WDR62: variants seen among roughly 807,000 people sequenced by gnomAD.
The protein encoded by WDR62 is WD repeat-containing protein 62.
Under a neutral mutation model 160.6 loss-of-function variants are expected in WDR62, and 112 were observed. The observed-to-expected ratio is 0.70, with a 90% CI of 0.60 to 0.82. The LOEUF (loss-of-function observed/expected upper bound fraction) is 0.82. Among genes scored for constraint, WDR62 ranks in the 40% least tolerant of loss-of-function variants. WDR62 has a pLI of 0.00. For missense variants in WDR62, 1,819 were observed against 1,983.8 expected (o/e 0.92, Z 1.58); for synonymous variants, 792 against 815.1 (o/e 0.97, Z 0.48).
Position 36,104,870 on chromosome 19 carries a change from G to A in WDR62, c.4414G>A (p.Val1472Met), listed in dbSNP as rs944123844. ...CAGCCAGCTGGAGGCTGAATGCCTG[G>A]TGGGGACTAGTGTGGCCCCAGCCCA... The part of the protein sequence containing the change: ...IHSQLEAECL[V>M]GTSVAPAQAL... The change falls in exon 32 of 32, where the codon GTG (valine) becomes ATG (methionine). Residue 1472 changes from valine (V) to methionine (M), a missense_variant. By Grantham distance (21) the Val-to-Met change is conservative. Around this residue, in one of 3 missense-constraint regions of WDR62, gnomAD observed 770 missense variants for 734.2 expected, o/e 1.05. Transcript: ENST00000401500. The A allele has an allele frequency of 1.2e-6, 2 of 1,612,772 alleles. No individual in the cohort carries two copies. Among genetic ancestry groups the A allele is most frequent in the Non-Finnish European group, 1.7e-6 (2 of 1,179,950 alleles).
intron 6 of WDR62, 87 bp downstream of exon 6, chr19:36,067,530 G>C (rs1461666115): frequency 2.5e-6 from 4 of 1,588,434 alleles, no homozygotes; most frequent in African/African-American, 1.3e-5. Flanking sequence ...CCTGAGATTT[G>C]AGGGCAGCGG....
chr19:36,071,558 C>T lies in WDR62; in HGVS notation c.885C>T (p.Val295=), dbSNP rs1457764877. 1.2e-6 allele frequency: 2 copies of T among 1,614,120 alleles called. No individual in the cohort carries two copies. The highest frequency in any genetic ancestry group is 1.7e-6 in the Non-Finnish European group (2 of 1,180,056). ...TGGGGTCCCTTTTGCCCCTACAGGT[C>T]TCCCTGTCTTCCTGCCTCTGTGTCA... ...RVLEKWINLK[V]SLSSCLCVSQ... is the part of the protein sequence containing the mutation. Residue 295 remains valine (V), a splice_region_variant and synonymous_variant, in exon 8 of 32, where the codon GTC becomes GTT. Transcript: ENST00000401500.
At chr19:36,092,127 A>G (rs749982698) in intron 18 of WDR62, among the ~76,000 whole-genome samples, 12 of 152,058 alleles carry the variant, frequency 7.9e-5, no homozygotes, top group Admixed American at 2.0e-4. Flanking sequence ...CCTGGTCAAC[A>G]TGGAGAAACT....
intron 13 of WDR62, among the ~76,000 whole-genome samples, chr19:36,087,676 G>A (rs8106161): frequency 7.5e-4 from 110 of 145,750 alleles, no homozygotes; most frequent in African/African-American, 2.4e-3. Context: ...AAAAGTAACC[G>A]GGCATGGTGG....
intron 20 of WDR62, among the ~76,000 whole-genome samples, chr19:36,094,743 A>T (rs531104735): frequency 1.2e-4 from 18 of 151,722 alleles, no homozygotes; most frequent in East Asian, 1.2e-3. Flanking sequence ...AAAATTTTTT[A>T]AAGAAATTAG....
intron 1 of WDR62, 77 bp from the exon 2 acceptor site, chr19:36,058,703 G>A (rs1970489034): frequency 2.6e-6 from 3 of 1,175,886 alleles, no homozygotes; most frequent in Non-Finnish European, 2.5e-6. Flanking sequence ...AGCAGGACCT[G>A]AATGGGTGGC....
At position 36,099,388 on chromosome 19, in the gene WDR62, T is replaced by C. The variant is rs1350421178; in HGVS notation, c.2521-11T>C. On this transcript the variant is annotated splice_polypyrimidine_tract_variant and intron_variant, in intron 21 of 31. Coordinates refer to ENST00000401500, the MANE Select transcript of WDR62 (RefSeq NM_001083961.2). ...CTCAGCCAGTTGCCTGACTGTCCGA[T>C]ATCCTTCAAGCTAGGGGACGATGAT... 1 of 1,612,342 alleles carries C rather than the reference T, an allele frequency of 6.2e-7. No individual in the cohort carries two copies. The highest frequency in any genetic ancestry group is 1.3e-5 in the African/African-American group (1 of 74,916).
intron 11 of WDR62, 74 bp downstream of exon 11, chr19:36,083,315 C>G: frequency 6.8e-7 from 1 of 1,477,422 alleles, no homozygotes; most frequent in South Asian, 1.2e-5. Context: ...TGGGCAGAAG[C>G]CCTGGCCTTG....
intron 13 of WDR62, 42 bp downstream of exon 13, chr19:36,086,854 C>G (rs1972269529): frequency 6.3e-7 from 1 of 1,596,102 alleles, no homozygotes; most frequent in Non-Finnish European, 8.5e-7. Flanking sequence ...TGCTAGCTAC[C>G]CTGCTAAAAA....
rs144527765 is a variant in WDR62 at position 36,099,634 on chromosome 19, C to A, written c.2739+17C>A. Reference sequence around the variant, plus strand: ...CTGAGTGAGGTACACACTTCCACCGCAGCCTGGCCCATAGCCCCGGCACCG... The same window carrying A: ...CTGAGTGAGGTACACACTTCCACCGAAGCCTGGCCCATAGCCCCGGCACCG... On this transcript the variant is annotated intron_variant, in intron 22 of 31. Transcript: ENST00000401500. 459 of 1,613,110 alleles carry A rather than the reference C, an allele frequency of 2.8e-4. 4 individuals carry two copies. The African/African-American group carries it at 5.4e-3, about 19-fold the overall frequency.
At position 36,099,481 on chromosome 19, in the gene WDR62, C is replaced by T; in HGVS notation, c.2603C>T (p.Ala868Val). 1 of 1,613,990 alleles carries T rather than the reference C, an allele frequency of 6.2e-7. No individual in the cohort carries two copies. Among genetic ancestry groups the T allele is most frequent in the Non-Finnish European group, 8.5e-7 (1 of 1,180,030 alleles). ...CCCCACGGCCGCTGGGCAGAGCGGG[C>T]CGGCCAAGAGCCCCTCAAGACCATC... ...YQPHGRWAER[A>V]GQEPLKTILD... Residue 868 changes from alanine to valine, a missense_variant, in exon 22 of 32, where the codon GCC becomes GTC. Around this residue, in one of 3 missense-constraint regions of WDR62, gnomAD observed 934 missense variants for 1,157.2 expected, o/e 0.81. Transcript: ENST00000401500.
intron 3 of WDR62, chr19:36,062,746 A>G (rs775449684): frequency 5.9e-5 from 9 of 151,880 alleles, no homozygotes; most frequent in Admixed American, 1.3e-4. Context: ...ACTGTAATAC[A>G]TCCAGCAAAA....
At chr19:36,060,389 A>T (rs895673985) in intron 3 of WDR62, 35 of 290,352 alleles carry the variant, frequency 1.2e-4, no homozygotes, top group Middle Eastern at 1.2e-3. Flanking sequence ...CTTGACTCTG[A>T]GACCTGAAGG....
intron 20 of WDR62, 22 bp from the exon 21 acceptor site, chr19:36,097,005 C>T (rs190811619): frequency 1.2e-6 from 2 of 1,605,622 alleles, no homozygotes; most frequent in Non-Finnish European, 1.7e-6. Flanking sequence ...GTCCTCTTTT[C>T]ATGGATTCTG....
In WDR62 at chr19:36,084,638, G is replaced by C. The variant is rs780182581; in HGVS notation, c.1551-15G>C. 5.6e-6 allele frequency: 9 copies of C among 1,613,172 alleles called. No individual in the cohort carries two copies. Among genetic ancestry groups the C allele is most frequent in the African/African-American group, 1.3e-5 (1 of 74,902 alleles). On this transcript the variant is annotated splice_polypyrimidine_tract_variant and intron_variant, in intron 11 of 31. Coordinates refer to ENST00000401500, the MANE Select transcript of WDR62 (RefSeq NM_001083961.2). ...CTGGGGTGTGGGGCTTCAGCGGGCGGTGTGTGTCTCCCAGGATCCACGAGC... is the reference window on the plus strand; with the variant it reads ...CTGGGGTGTGGGGCTTCAGCGGGCGCTGTGTGTCTCCCAGGATCCACGAGC...
intron 9 of WDR62, among the ~76,000 whole-genome samples, chr19:36,075,674 G>C (rs1353485358): frequency 6.6e-6 from 1 of 152,100 alleles, no homozygotes; most frequent in Non-Finnish European, 1.5e-5. Context: ...TCAAACCCCT[G>C]ACCTCAAGTG....
chr19:36,063,443 G>A (rs572328116), intron 3 of WDR62, among the ~76,000 whole-genome samples: 19 of 151,014 alleles, frequency 1.3e-4, no homozygotes, highest in African/African-American at 4.6e-4. Context: ...AGTAGAGACG[G>A]GGTTTCACTA....
chr19:36,101,449 T>G, intron 24 of WDR62, 132 bp downstream of exon 24: 1 of 930,416 alleles, frequency 1.1e-6, no homozygotes, highest in South Asian at 1.4e-5. Flanking sequence ...TGGTCCCTGC[T>G]GCTGCCTGAG....
intron 3 of WDR62, among the ~76,000 whole-genome samples, chr19:36,064,139 C>T (rs761638335): frequency 1.3e-5 from 2 of 152,164 alleles, no homozygotes; most frequent in Admixed American, 6.5e-5. Flanking sequence ...TCAGGGCATG[C>T]GACAGGTTAG....
Sources: allele counts gnomAD v4.1 joint callset (sites outside exome capture counted in the v4.1 genomes callset), GRCh38; gene constraint gnomAD v4.1.1; regional missense constraint gnomAD v4.1.1; transcripts MANE v1.5; gene names NCBI Gene and HGNC (gene_info 2026-07-23, HGNC 2026-07-21).